FRY: variants seen among roughly 807,000 people sequenced by gnomAD.
The protein encoded by FRY is protein furry homolog.
FRY carries 128 observed loss-of-function variants against 348.4 expected under a neutral mutation model. The observed-to-expected ratio is 0.37, with a 90% confidence interval of 0.32 to 0.43. The LOEUF is 0.43. Ranked by LOEUF, FRY falls within the 20% of genes least tolerant of loss-of-function variation. FRY has a pLI of 1.00. For synonymous variants in FRY, 1,370 were observed against 1,374.7 expected, an observed-to-expected ratio of 1.00 and a Z score of 0.08; for missense variants, 2,736 against 3,695.2, an observed-to-expected ratio of 0.74 and a Z score of 6.73.
intron 31 of FRY, among the ~76,000 whole-genome samples, chr13:32,204,200 T>C (rs1593736399): frequency 6.6e-6 from 1 of 152,306 alleles, no homozygotes; most frequent in East Asian, 1.9e-4. Flanking sequence ...TTATCTGTAA[T>C]AGTAATGACT....
chr13:32,066,280 A>G (rs1229326948), intron 1 of FRY, among the ~76,000 whole-genome samples: 1 of 152,188 alleles, frequency 6.6e-6, no homozygotes, highest in Admixed American at 6.5e-5. Flanking sequence ...CTTGTTCTGT[A>G]TCTGCATTGT....
At chr13:32,073,313 G>C (rs1395823745) in intron 1 of FRY, among the ~76,000 whole-genome samples, 9 of 152,192 alleles carry the variant, frequency 5.9e-5, no homozygotes, top group Admixed American at 4.6e-4. Context: ...CCAAATGCAT[G>C]GATCAGGAAA....
chr13:32,101,303 CT>C (rs1455379445), intron 2 of FRY, among the ~76,000 whole-genome samples: 1 of 152,140 alleles, frequency 6.6e-6, no homozygotes, highest in Non-Finnish European at 1.5e-5. Context: ...GGATTTCCTT[CT>C]TTTTTAAGGC....
chr13:32,294,691 C>A, intron 60 of FRY, 121 bp downstream of exon 60: 1 of 773,250 alleles, frequency 1.3e-6, no homozygotes, highest in Non-Finnish European at 2.2e-6. Context: ...CTTCTCAGAT[C>A]TTTACTGCTG....
intron 3 of FRY, among the ~76,000 whole-genome samples, chr13:32,114,250 A>C (rs919571950): frequency 6.6e-6 from 1 of 152,232 alleles, no homozygotes; most frequent in African/African-American, 2.4e-5. Flanking sequence ...AGTTGCAAAG[A>C]TAATTCAGGC....
intron 59 of FRY, 101 bp downstream of exon 59, chr13:32,289,844 C>A (rs1415566254): frequency 2.7e-6 from 2 of 730,716 alleles, no homozygotes; most frequent in Non-Finnish European, 5.1e-6. Context: ...TGATTTTATT[C>A]CCGCATAATT....
At chr13:32,137,060 G>T in intron 11 of FRY, 88 bp downstream of exon 11, 3 of 787,680 alleles carry the variant, frequency 3.8e-6, no homozygotes, top group Middle Eastern at 2.2e-4. Context: ...AGTGACTCCT[G>T]ATGTTTGCCA....
intron 38 of FRY, 60 bp from the exon 39 acceptor site, chr13:32,225,711 TCCTGGAATCTTTACTATC>T (rs1885543235): frequency 3.7e-6 from 4 of 1,072,624 alleles, no homozygotes; most frequent in Non-Finnish European, 5.8e-6. Context: ...CTCCTGAGTA[TCCTGGAATCTTTACTATC>T]CCTGGAATCT....
chr13:32,271,417 C>T (rs1335839849), intron 55 of FRY, among the ~76,000 whole-genome samples: 4 of 152,162 alleles, frequency 2.6e-5, no homozygotes, highest in Admixed American at 2.6e-4. Flanking sequence ...TCTAGCAAGC[C>T]GTCAGCACAG....
At chr13:32,083,590 C>T (rs1875641604) in intron 2 of FRY, among the ~76,000 whole-genome samples, 2 of 152,088 alleles carry the variant, frequency 1.3e-5, no homozygotes, top group Non-Finnish European at 2.9e-5. Flanking sequence ...TGCTTTTGCC[C>T]CTTCTGTTGC....
intron 15 of FRY, 35 bp downstream of exon 15, chr13:32,155,697 T>TTAAG: frequency 6.6e-7 from 1 of 1,505,154 alleles, no homozygotes; most frequent in South Asian, 1.2e-5. Flanking sequence ...CTAAGCCTTA[T>TTAAG]TAAGCCCTTA....
intron 26 of FRY, 84 bp downstream of exon 26, chr13:32,185,232 C>T: frequency 8.2e-7 from 1 of 1,219,688 alleles, no homozygotes; most frequent in Non-Finnish European, 1.2e-6. Context: ...GTCTTTAACC[C>T]TACTGGCCTT....
chr13:32,290,803 A>T (rs947489545), intron 59 of FRY, among the ~76,000 whole-genome samples: 1 of 152,060 alleles, frequency 6.6e-6, no homozygotes, highest in South Asian at 2.1e-4. Context: ...GGACAAAAAA[A>T]TCAATGAAAC....
At chr13:32,226,835 C>A (rs1885610180) in intron 39 of FRY, among the ~76,000 whole-genome samples, 2 of 152,172 alleles carry the variant, frequency 1.3e-5, no homozygotes, top group South Asian at 4.1e-4. Flanking sequence ...AATATGAAAT[C>A]ATCATTATCT....
At chr13:32,211,280 A>G (rs1442521075) in intron 34 of FRY, among the ~76,000 whole-genome samples, 2 of 152,194 alleles carry the variant, frequency 1.3e-5, no homozygotes, top group Non-Finnish European at 2.9e-5. Flanking sequence ...CAACGTGACA[A>G]AACCCCGTCT....
chr13:32,213,351 A>G (rs1566138076), intron 35 of FRY, among the ~76,000 whole-genome samples: 1 of 152,214 alleles, frequency 6.6e-6, no homozygotes, highest in Admixed American at 6.5e-5. Context: ...GGCACCAGCC[A>G]GATTCCTCAC....
intron 22 of FRY, among the ~76,000 whole-genome samples, 195 bp from the exon 23 acceptor site, chr13:32,179,477 ATTG>A (rs1882568249): frequency 7.3e-6 from 1 of 137,852 alleles, no homozygotes; most frequent in Admixed American, 7.4e-5. Context: ...CCAGGTGAGA[ATTG>A]CATTCATTTT....
At position 32,069,720 on chromosome 13, in the gene FRY, T is replaced by C; in HGVS notation, c.71-9114T>C. 2.0e-5 allele frequency among the ~76,000 whole-genome samples: 3 copies of C among 152,284 alleles called. No individual in the cohort carries two copies. The South Asian group carries it at 6.2e-4, about 32-fold the overall frequency. ...ACAAATATTGCATGATTCCACTAAT[T>C]TTTTTTATTATACTTTAAGTTCTAG... On this transcript the variant is annotated intron_variant, in intron 1 of 60. Transcript: ENST00000542859.
At chr13:32,111,109 G>A (rs1159756243) in intron 3 of FRY, among the ~76,000 whole-genome samples, 2 of 152,200 alleles carry the variant, frequency 1.3e-5, no homozygotes, top group Non-Finnish European at 2.9e-5. Context: ...AAGGCCATTG[G>A]TTGGCCATTG....
Sources: gnomAD v4.1 joint callset for allele counts (sites outside exome capture counted in the v4.1 genomes callset) on GRCh38, gnomAD v4.1.1 for gene constraint, MANE v1.5 for transcripts, NCBI Gene and HGNC (gene_info 2026-07-23, HGNC 2026-07-21) for gene names.